TRPM3: variants seen among roughly 807,000 people sequenced by gnomAD.
The protein encoded by TRPM3 is transient receptor potential cation channel subfamily M member 3, also known as long transient receptor potential channel 3.
A neutral mutation model predicts 181.2 loss-of-function variants in TRPM3; 77 were observed. That is an observed-to-expected ratio of 0.42 (90% CI 0.35 to 0.51). The LOEUF is 0.51. Among genes scored for constraint, TRPM3 ranks in the 20% least tolerant of loss-of-function variants. The probability of loss-of-function intolerance (pLI) is 0.01; values close to 1 mark genes in which losing one functional copy is unlikely to be tolerated. For missense variants in TRPM3, 1,759 were observed against 2,196.7 expected (o/e 0.80, Z 3.98); for synonymous variants, 745 against 796.4 (o/e 0.94, Z 1.09).
intron 1 of TRPM3, among the ~76,000 whole-genome samples, chr9:71,373,170 T>C (rs574828050): frequency 1.2e-4 from 18 of 152,114 alleles, no homozygotes; most frequent in African/African-American, 3.6e-4. Flanking sequence ...ATGAGAAAGC[T>C]AGAACGATCT....
At chr9:71,348,839 G>A (rs1588613518) in intron 1 of TRPM3, among the ~76,000 whole-genome samples, 1 of 152,194 alleles carries the variant, frequency 6.6e-6, no homozygotes, top group African/African-American at 2.4e-5. Flanking sequence ...CCAAAGTGCT[G>A]GGATTACAGG....
chr9:70,582,632 AG>A lies in TRPM3; in HGVS notation c.3223+8398del, dbSNP rs575483467. 7.2e-3 allele frequency among the ~76,000 whole-genome samples: 1,090 copies of A among 152,352 alleles called. 8 individuals carry two copies. Among genetic ancestry groups the A allele is most frequent in the Non-Finnish European group, 0.012 (821 of 68,026 alleles). Reference sequence around the variant, plus strand: ...AAATTAAAATCTCAGTTAATTAAAAAGAAAAAAATTAAAAATTTAGTTTATT... The same window carrying A: ...AAATTAAAATCTCAGTTAATTAAAAAAAAAAAATTAAAAATTTAGTTTATT... On this transcript the variant is annotated intron_variant, in intron 22 of 25. Coordinates refer to ENST00000677713, the MANE Select transcript of TRPM3 (RefSeq NM_001366145.2).
intron 1 of TRPM3, among the ~76,000 whole-genome samples, chr9:70,935,235 C>T (rs2096817051): frequency 6.6e-6 from 1 of 152,118 alleles, no homozygotes. Context: ...TGAATCATGC[C>T]TCCCTGTAAT....
chr9:70,875,101 T>A (rs910107964), intron 1 of TRPM3, among the ~76,000 whole-genome samples: 13 of 151,892 alleles, frequency 8.6e-5, no homozygotes, highest in African/African-American at 2.9e-4. Context: ...ATTTTCTGTA[T>A]CCATTCAAAG....
At chr9:70,888,001 C>T (rs2096121031) in intron 1 of TRPM3, among the ~76,000 whole-genome samples, 1 of 152,180 alleles carries the variant, frequency 6.6e-6, no homozygotes, top group South Asian at 2.1e-4. Flanking sequence ...ACCAATGTCA[C>T]TTCTAATCTA....
chr9:71,359,789 T>C (rs1447019939), intron 1 of TRPM3, among the ~76,000 whole-genome samples: 2 of 152,170 alleles, frequency 1.3e-5, no homozygotes, highest in East Asian at 3.9e-4. Flanking sequence ...ATCTTGGGTT[T>C]AAGATACTTA....
At chr9:71,261,847 A>G (rs544009313) in intron 1 of TRPM3, among the ~76,000 whole-genome samples, 51 of 152,258 alleles carry the variant, frequency 3.3e-4, no homozygotes, top group African/African-American at 1.2e-3. Context: ...CAAAACAGCA[A>G]AGGTTCCTGC....
At chr9:70,876,947 C>T (rs533769416) in intron 1 of TRPM3, among the ~76,000 whole-genome samples, 19 of 152,082 alleles carry the variant, frequency 1.2e-4, no homozygotes, top group African/African-American at 4.3e-4. Flanking sequence ...GGTGTAGTAC[C>T]TTCCTTATAA....
At position 71,363,134 on chromosome 9, in the gene TRPM3, A is replaced by G. The variant is rs141654075; in HGVS notation, c.183+83519T>C. 1.3e-3 allele frequency among the ~76,000 whole-genome samples: 192 copies of G among 152,332 alleles called. 1 individual carries two copies. Among genetic ancestry groups the G allele is most frequent in the Admixed American group, 2.2e-3 (33 of 15,296 alleles). ...ATTTTCATATGGCAAAATTTCTGCA[A>G]GTGGGCTCTGTTGGAACCCAACAAA... On this transcript the variant is annotated intron_variant, in intron 1 of 24. Coordinates refer to the TRPM3 transcript ENST00000357533.
At chr9:71,276,420 G>A (rs761183519) in intron 1 of TRPM3, among the ~76,000 whole-genome samples, 1 of 151,848 alleles carries the variant, frequency 6.6e-6, no homozygotes, top group Non-Finnish European at 1.5e-5. Flanking sequence ...CTATAAATTT[G>A]GATATGACAC....
At chr9:70,562,319 A>G (rs2049306629) in intron 22 of TRPM3, among the ~76,000 whole-genome samples, 1 of 152,198 alleles carries the variant, frequency 6.6e-6, no homozygotes, top group Admixed American at 6.5e-5. Context: ...AAACTGAATC[A>G]TCTATCCCAG....
chr9:70,751,413 T>C (rs2076113921), intron 8 of TRPM3, among the ~76,000 whole-genome samples: 1 of 152,064 alleles, frequency 6.6e-6, no homozygotes, highest in Non-Finnish European at 1.5e-5. Flanking sequence ...AACAACATCA[T>C]CTCAAAATAC....
chr9:71,311,316 T>C lies in TRPM3; in HGVS notation c.183+135337A>G, dbSNP rs532288247. Among the ~76,000 whole-genome samples the C allele has an allele frequency of 2.6e-5, 4 of 152,264 alleles. No individual in the cohort carries two copies. The South Asian group carries it at 8.3e-4, about 32-fold the overall frequency. On this transcript the variant is annotated intron_variant, in intron 1 of 24. Coordinates refer to the TRPM3 transcript ENST00000357533. ...GAGAGCAACATGTTCAAGAATGCAA[T>C]TATTTTGCAGAAAATGTGTGTCAAA...
chr9:71,004,173 G>A lies in TRPM3; in HGVS notation c.177+117005C>T, dbSNP rs532246425. Reference sequence around the variant, plus strand: ...GCTCTGATCAGTGGAGAGGTCACATGGATAAGACTGGCCAGAGCCACAGTG... The same window carrying A: ...GCTCTGATCAGTGGAGAGGTCACATAGATAAGACTGGCCAGAGCCACAGTG... On this transcript the variant is annotated intron_variant, in intron 1 of 25. Coordinates refer to ENST00000677713, the MANE Select transcript of TRPM3 (RefSeq NM_001366145.2). Among the ~76,000 whole-genome samples the A allele has an allele frequency of 1.1e-4, 17 of 152,202 alleles. 1 individual carries two copies. The highest frequency in any genetic ancestry group is 8.3e-4 in the South Asian group (4 of 4,834).
chr9:70,970,894 G>A (rs959500385), intron 1 of TRPM3, among the ~76,000 whole-genome samples: 3 of 152,038 alleles, frequency 2.0e-5, no homozygotes, highest in African/African-American at 7.2e-5. Flanking sequence ...GAAAGATACA[G>A]GTCCATGATA....
intron 1 of TRPM3, among the ~76,000 whole-genome samples, chr9:71,186,071 C>G (rs1260553785): frequency 1.3e-5 from 2 of 151,998 alleles, no homozygotes; most frequent in African/African-American, 4.8e-5. Context: ...CTGCATAACT[C>G]TAACCTCTGA....
At chr9:70,681,430 A>G (rs2065408524) in intron 9 of TRPM3, 76 bp downstream of exon 9, 2 of 1,221,766 alleles carry the variant, frequency 1.6e-6, no homozygotes, top group Middle Eastern at 1.9e-4. Context: ...GATTATATCT[A>G]TTATTAGGAG....
Position 70,625,373 on chromosome 9 carries a change from A to G in TRPM3, c.1669-42T>C, listed in dbSNP as rs2064379794. The G allele has an allele frequency of 1.2e-6, 2 of 1,612,486 alleles. No individual in the cohort carries two copies. The highest frequency in any genetic ancestry group is 1.7e-6 in the Non-Finnish European group (2 of 1,178,982). Reference sequence around the variant, plus strand: ...AAACAAACAGACAAATCCAAAAGACAACGTGGTTTACTAGGGATTCTACTT... The same window carrying G: ...AAACAAACAGACAAATCCAAAAGACGACGTGGTTTACTAGGGATTCTACTT... On this transcript the variant is annotated intron_variant, in intron 13 of 25. Transcript: ENST00000677713. The surrounding 1 kb of genome is among the most constrained non-coding windows in gnomAD (Gnocchi z 4.8).
intron 1 of TRPM3, among the ~76,000 whole-genome samples, chr9:70,918,395 T>A (rs2096622820): frequency 6.6e-6 from 1 of 152,072 alleles, no homozygotes; most frequent in Non-Finnish European, 1.5e-5. Flanking sequence ...TCTTAAGGCA[T>A]TAAAAAAAGT....
Sources: gnomAD v4.1 joint callset for allele counts (sites outside exome capture counted in the v4.1 genomes callset) on GRCh38, gnomAD v4.1.1 for gene constraint, Gnocchi (gnomAD v3.1) non-coding constraint, MANE v1.5 for transcripts, NCBI Gene and HGNC (gene_info 2026-07-23, HGNC 2026-07-21) for gene names.